ZNF589: variants seen among roughly 807,000 people sequenced by gnomAD.
ZNF589 encodes zinc finger protein 589, also known as KRAB-zinc finger protein SZF1-1.
In ZNF589, 17 loss-of-function variants were observed where a neutral mutation model predicts 13.6. That is an observed-to-expected ratio of 1.25 (90% CI 0.86 to 1.88). The LOEUF is 1.88. Among genes scored for constraint, ZNF589 ranks in the 40% most tolerant of loss-of-function variants. The pLI is 0.00. For synonymous variants in ZNF589, 148 were observed against 161.6 expected, an observed-to-expected ratio of 0.92 and a Z score of 0.64; for missense variants, 407 against 434.0, an observed-to-expected ratio of 0.94 and a Z score of 0.55.
Position 48,268,874 on chromosome 3 carries a change from C to A in ZNF589, c.*88C>A. Reference sequence around the variant, plus strand: ...GCCTTTTGTTTGCAGAGAGTGTGGGCGAGGCTTTCGTGCTAAATCAACTCT... The same window carrying A: ...GCCTTTTGTTTGCAGAGAGTGTGGGAGAGGCTTTCGTGCTAAATCAACTCT... On this transcript the variant is annotated 3_prime_UTR_variant, in exon 4 of 4. Coordinates refer to ENST00000354698, the MANE Select transcript of ZNF589 (RefSeq NM_016089.3). 6.6e-7 allele frequency: 1 copy of A among 1,516,630 alleles called. No homozygotes were observed. The highest frequency in any genetic ancestry group is 8.9e-7 in the Non-Finnish European group (1 of 1,125,322). The allele number at this position is 1,516,630 out of a possible 1,614,324, so 93.9% of individuals were successfully genotyped here.
chr3:48,244,746 A>G (rs2033741371), intron 1 of ZNF589, among the ~76,000 whole-genome samples: 1 of 151,568 alleles, frequency 6.6e-6, no homozygotes, highest in African/African-American at 2.4e-5. Context: ...CCCTTAGCCT[A>G]ATTCCCCACA....
chr3:48,251,089 C>T (rs1026037701), intron 2 of ZNF589, among the ~76,000 whole-genome samples: 1 of 152,098 alleles, frequency 6.6e-6, no homozygotes, highest in Non-Finnish European at 1.5e-5. Flanking sequence ...TCCAAGACCA[C>T]CAGTTCCATT....
chr3:48,266,129 A>G (rs574486807), intron 3 of ZNF589, among the ~76,000 whole-genome samples: 18 of 152,332 alleles, frequency 1.2e-4, no homozygotes, highest in Middle Eastern at 3.4e-3. Flanking sequence ...TTAAAGGTCT[A>G]TGTTCTATAA....
chr3:48,257,724 T>G (rs1408031793), intron 2 of ZNF589, among the ~76,000 whole-genome samples: 1 of 150,466 alleles, frequency 6.6e-6, no homozygotes, highest in African/African-American at 2.5e-5. Flanking sequence ...TGATTTTTTT[T>G]GTTTTTTGTT....
At position 48,269,140 on chromosome 3, in the gene ZNF589, C is replaced by A; in HGVS notation, c.*354C>A. 1.3e-6 allele frequency: 1 copy of A among 777,744 alleles called. No individual in the cohort carries two copies. The highest frequency in any genetic ancestry group is 1.8e-5 in the African/African-American group (1 of 56,682). 48.2% of individuals were successfully genotyped at this position (777,744 alleles called of 1,614,324 possible). ...TTGAGTGTGGGCGAAACTTTAGCCT[C>A]AAGTCCGCTCTTAGTGTACATCAGA... On this transcript the variant is annotated 3_prime_UTR_variant, in exon 4 of 4. Transcript: ENST00000354698.
chr3:48,254,570 A>G (rs2106838839), intron 2 of ZNF589, among the ~76,000 whole-genome samples: 1 of 152,292 alleles, frequency 6.6e-6, no homozygotes, highest in East Asian at 1.9e-4. Flanking sequence ...AGCTGATATC[A>G]TAATACTGAG....
At chr3:48,267,072 C>T (rs2034026473) in intron 3 of ZNF589, among the ~76,000 whole-genome samples, 1 of 152,154 alleles carries the variant, frequency 6.6e-6, no homozygotes, top group South Asian at 2.1e-4. Flanking sequence ...AGTTTCCCCA[C>T]TCATAAGTAG....
intron 3 of ZNF589, among the ~76,000 whole-genome samples, chr3:48,261,919 CTT>C (rs2033972077): frequency 6.6e-6 from 1 of 152,166 alleles, no homozygotes; most frequent in Non-Finnish European, 1.5e-5. Context: ...TCTTGTTACT[CTT>C]TATCTTTATG....
At position 48,269,858 on chromosome 3, in the gene ZNF589, T is replaced by C; in HGVS notation, c.*1072T>C. ...AGGACACACTCGGGAGAAACCTTCA[T>C]GGAGTGAGAGTAAGGTGTTGGCTGG... is the stretch of plus-strand genomic sequence containing the variant. On this transcript the variant is annotated 3_prime_UTR_variant, in exon 4 of 4. Coordinates refer to ENST00000354698, the MANE Select transcript of ZNF589 (RefSeq NM_016089.3). 1 of 365,404 alleles carries C rather than the reference T, an allele frequency of 2.7e-6. No homozygotes were observed. The highest frequency in any genetic ancestry group is 2.1e-5 in the South Asian group (1 of 48,212). The allele number at this position is 365,404 out of a possible 1,614,324, so 22.6% of individuals were successfully genotyped here. A position where few individuals can be genotyped will look rare whatever the true frequency, so the allele number is the denominator to read the frequency against.
intron 1 of ZNF589, among the ~76,000 whole-genome samples, chr3:48,241,622 C>A (rs756873766): frequency 6.6e-6 from 1 of 152,094 alleles, no homozygotes; most frequent in Non-Finnish European, 1.5e-5. Context: ...ATCTCCGTCT[C>A]CCGGGTTCAA....
At chr3:48,241,446 A>T in intron 1 of ZNF589, among the ~76,000 whole-genome samples, 1 of 152,198 alleles carries the variant, frequency 6.6e-6, no homozygotes. Context: ...GCACTTGTGC[A>T]CTCCGGCAGT....
intron 2 of ZNF589, among the ~76,000 whole-genome samples, chr3:48,259,691 A>G (rs1307487928): frequency 6.6e-6 from 1 of 152,120 alleles, no homozygotes; most frequent in Non-Finnish European, 1.5e-5. Context: ...CCGGCAGATC[A>G]CTTGAGGTCG....
chr3:48,241,233 A>G lies in ZNF589; in HGVS notation c.43+19A>G. On this transcript the variant is annotated intron_variant, in intron 1 of 3. Coordinates refer to ENST00000354698, the MANE Select transcript of ZNF589 (RefSeq NM_016089.3). ...GCGGAAGGTGAGTCGGGGCCGCGAG[A>G]TCGCCTCCCCCATTCGGTGCTCCAG... 6.2e-7 allele frequency: 1 copy of G among 1,609,728 alleles called. No homozygotes were observed. Among genetic ancestry groups the G allele is most frequent in the Non-Finnish European group, 8.5e-7 (1 of 1,179,164 alleles).
intron 2 of ZNF589, 68 bp from the exon 3 acceptor site, chr3:48,260,745 C>T (rs1414241098): frequency 2.5e-6 from 4 of 1,607,056 alleles, no homozygotes; most frequent in East Asian, 2.2e-5. Flanking sequence ...GCTCCAAGAC[C>T]ACCAGTTCCA....
Position 48,268,923 on chromosome 3 carries a change from C to G in ZNF589, c.*137C>G. ...CTCCTCCTACACCAGTGGACACATT[C>G]AGAGGTGAAACCTCACGTGTGTGAG... On this transcript the variant is annotated 3_prime_UTR_variant, in exon 4 of 4. Transcript: ENST00000354698. 1 of 1,268,008 alleles carries G rather than the reference C, an allele frequency of 7.9e-7. No individual in the cohort carries two copies. Among genetic ancestry groups the G allele is most frequent in the East Asian group, 2.3e-5 (1 of 42,720 alleles). The allele number at this position is 1,268,008 out of a possible 1,614,324, so 78.5% of individuals were successfully genotyped here. A position where few individuals can be genotyped will look rare whatever the true frequency, so the allele number is the denominator to read the frequency against.
chr3:48,243,966 T>A (rs764830599), intron 1 of ZNF589, among the ~76,000 whole-genome samples: 1 of 152,138 alleles, frequency 6.6e-6, no homozygotes, highest in Non-Finnish European at 1.5e-5. Flanking sequence ...CATCGTGAGG[T>A]CCTGGAGTGT....
rs199610129 is a variant in ZNF589, at chr3:48,268,792, A to T, written c.*6A>T. 1.1e-5 allele frequency: 17 copies of T among 1,604,370 alleles called. No individual in the cohort carries two copies. The East Asian group carries it at 3.6e-4, about 34-fold the overall frequency. ...CTTATGTGTGCAGAGATTGAGGCCG[A>T]GGCTTTGTAAGGAGATCATGTCTCA... On this transcript the variant is annotated 3_prime_UTR_variant, in exon 4 of 4. Transcript: ENST00000354698.
At chr3:48,267,820 C>CA in intron 3 of ZNF589, 95 bp from the exon 4 acceptor site, 1 of 1,295,086 alleles carries the variant, frequency 7.7e-7, no homozygotes, top group South Asian at 1.5e-5. Flanking sequence ...AGACTTTAAT[C>CA]ATTGAGAATG....
intron 2 of ZNF589, among the ~76,000 whole-genome samples, chr3:48,249,046 A>T (rs1346929888): frequency 6.6e-6 from 1 of 151,878 alleles, no homozygotes; most frequent in Non-Finnish European, 1.5e-5. Flanking sequence ...ATTATCAGGG[A>T]AGCAGCTGCC....
Sources: gnomAD v4.1 joint callset for allele counts (sites outside exome capture counted in the v4.1 genomes callset) on GRCh38, gnomAD v4.1.1 for gene constraint, MANE v1.5 for transcripts, NCBI Gene and HGNC (gene_info 2026-07-23, HGNC 2026-07-21) for gene names.